UPRT: variants seen among roughly 807,000 people sequenced by gnomAD.
UPRT encodes uracil phosphoribosyltransferase homolog, also known as RP11-311P8.3.
Under a neutral mutation model 22.6 loss-of-function variants are expected in UPRT, and 5 were observed. The ratio of observed to expected loss-of-function variants is 0.22; its 90% CI spans 0.12 to 0.47. UPRT has a LOEUF of 0.47. Ranked by LOEUF, UPRT falls within the 20% of genes least tolerant of loss-of-function variation. The pLI, the probability that UPRT is intolerant of heterozygous loss-of-function variation, is 0.99. For synonymous variants in UPRT, 77 were observed against 87.7 expected (o/e 0.88, Z 0.68); for missense variants, 181 against 239.9 (o/e 0.75, Z 1.62).
At position 75,232,294 on chromosome X, in the gene UPRT, C is replaced by T. The variant is rs1171174626; in HGVS notation, c.-446-58730C>T. ...CACATGGCTCGGAGGGTCCTATGCC[C>T]ACGGAGTCTTGCTGATTGCTAGCAC... On this transcript the variant is annotated intron_variant, in intron 4 of 13. Coordinates refer to the UPRT transcript ENST00000652605. Among the ~76,000 whole-genome samples, 7 of 112,576 alleles carry T rather than the reference C, an allele frequency of 6.2e-5. No individual in the cohort carries two copies. In the East Asian group the frequency reaches 1.7e-3, roughly 27 times the overall value.
intron 1 of UPRT, chrX:75,291,406 A>G (rs1465623976): frequency 3.1e-6 from 1 of 325,854 alleles, no homozygotes; most frequent in African/African-American, 2.6e-5. Context: ...TTTTTCCAGT[A>G]GGAGAGATTA....
At chrX:75,199,645 A>G (rs779259505) in intron 4 of UPRT, among the ~76,000 whole-genome samples, 1 of 111,525 alleles carries the variant, frequency 9.0e-6, no homozygotes, top group African/African-American at 3.3e-5. Context: ...AAACAGAGGG[A>G]AAATAAAGGG....
intron 4 of UPRT, among the ~76,000 whole-genome samples, chrX:75,265,860 T>C: frequency 9.0e-6 from 1 of 111,491 alleles, no homozygotes. Context: ...GGTTTTGGTG[T>C]GGATGTCCTT....
At chrX:75,246,311 G>A (rs1260604358) in intron 4 of UPRT, among the ~76,000 whole-genome samples, 2 of 92,990 alleles carry the variant, frequency 2.2e-5, no homozygotes, top group Non-Finnish European at 4.1e-5. Context: ...GTGTCCATGT[G>A]TTCTCATTGT....
Position 75,274,455 on chromosome X carries a change from G to A in UPRT, c.201G>A (p.Gly67=). The part of the protein sequence containing the change: ...HSSLPAELDS[G]ACGGSSLNSE... ...GCCTGCCGGCCGAGCTGGACTCTGGGGCCTGCGGCGGCTCCAGCCTCAACT... is the reference window on the plus strand; with the variant it reads ...GCCTGCCGGCCGAGCTGGACTCTGGAGCCTGCGGCGGCTCCAGCCTCAACT... Residue 67 remains glycine (G), a synonymous_variant, in exon 1 of 7, where the codon GGG becomes GGA. Coordinates refer to ENST00000373383, the MANE Select transcript of UPRT (RefSeq NM_145052.4). 8.3e-7 allele frequency: 1 copy of A among 1,210,994 alleles called. No homozygotes were observed. The highest frequency in any genetic ancestry group is 1.1e-6 in the Non-Finnish European group (1 of 895,332).
chrX:75,196,705 G>A (rs1054940650), intron 4 of UPRT, among the ~76,000 whole-genome samples: 57 of 111,261 alleles, frequency 5.1e-4, no homozygotes, highest in African/African-American at 1.8e-3. Flanking sequence ...AAATTAGCTG[G>A]GCACAGTGGC....
chrX:75,302,824 T>C (rs2082749000), intron 6 of UPRT, among the ~76,000 whole-genome samples: 1 of 111,288 alleles, frequency 9.0e-6, no homozygotes, highest in Admixed American at 9.6e-5. Context: ...CAGCTTTTTC[T>C]GTGAAAAGCA....
intron 4 of UPRT, among the ~76,000 whole-genome samples, chrX:75,203,721 A>T (rs1246687227): frequency 9.0e-6 from 1 of 111,110 alleles, no homozygotes; most frequent in Non-Finnish European, 1.9e-5. Flanking sequence ...TGTTCCCATG[A>T]TGAGGCTGTT....
upstream of UPRT, among the ~76,000 whole-genome samples, chrX:75,270,738 A>C (rs1442186920): frequency 1.8e-5 from 2 of 111,022 alleles, no homozygotes; most frequent in Admixed American, 9.7e-5. Context: ...GGGGAACATC[A>C]CATGCTGTGG....
chrX:75,286,188 G>C (rs1429628007), intron 1 of UPRT, among the ~76,000 whole-genome samples: 1 of 110,452 alleles, frequency 9.1e-6, no homozygotes, highest in African/African-American at 3.3e-5. Context: ...CCTCAACTTA[G>C]ATTGCCTGGC....
At chrX:75,230,048 G>A (rs2147641601) in intron 4 of UPRT, among the ~76,000 whole-genome samples, 1 of 111,896 alleles carries the variant, frequency 8.9e-6, no homozygotes, top group East Asian at 2.8e-4. Context: ...CCAGCTGCCT[G>A]GATATAAACT....
At chrX:75,292,810 G>T (rs1008681097) in intron 1 of UPRT, among the ~76,000 whole-genome samples, 9 of 111,016 alleles carry the variant, frequency 8.1e-5, no homozygotes, top group African/African-American at 2.9e-4. Context: ...CGTAGCCCTG[G>T]ATTATTATTA....
intron 3 of UPRT, 42 bp downstream of exon 3, chrX:75,296,453 C>A: frequency 1.8e-6 from 2 of 1,126,613 alleles, no homozygotes; most frequent in Non-Finnish European, 2.4e-6. Flanking sequence ...CATAAAAATT[C>A]TGAGCTAGAA....
chrX:75,213,763 A>C (rs969693639), intron 4 of UPRT, among the ~76,000 whole-genome samples: 5 of 112,028 alleles, frequency 4.5e-5, no homozygotes, highest in African/African-American at 1.6e-4. Flanking sequence ...ATGAGGGCCA[A>C]TTATACAACA....
intron 4 of UPRT, among the ~76,000 whole-genome samples, chrX:75,213,685 T>C (rs1301054378): frequency 9.0e-6 from 1 of 111,266 alleles, no homozygotes; most frequent in Non-Finnish European, 1.9e-5. Context: ...GTAGCTGTAT[T>C]AATTTAAGAC....
At chrX:75,277,547 G>C (rs2082636531) in intron 1 of UPRT, among the ~76,000 whole-genome samples, 1 of 110,665 alleles carries the variant, frequency 9.0e-6, no homozygotes, top group African/African-American at 3.3e-5. Flanking sequence ...GGAGCCCCTG[G>C]GAGGCTAAAA....
chrX:75,288,532 G>A (rs990315782), intron 1 of UPRT, among the ~76,000 whole-genome samples: 4 of 112,056 alleles, frequency 3.6e-5, no homozygotes, highest in Non-Finnish European at 7.5e-5. Context: ...TTCAACATAT[G>A]CAAATCACTA....
intron 1 of UPRT, among the ~76,000 whole-genome samples, chrX:75,287,949 A>T (rs2082689264): frequency 9.0e-6 from 1 of 111,401 alleles, no homozygotes; most frequent in Non-Finnish European, 1.9e-5. Flanking sequence ...AAGGAAAAAA[A>T]GGGAGAAGAT....
At chrX:75,301,609 G>T (rs2082744520) in intron 6 of UPRT, among the ~76,000 whole-genome samples, 1 of 111,750 alleles carries the variant, frequency 8.9e-6, no homozygotes, top group South Asian at 3.7e-4. Flanking sequence ...TAAGGAAATG[G>T]TTAAATAAAT....
Sources: allele counts gnomAD v4.1 joint callset (sites outside exome capture counted in the v4.1 genomes callset), GRCh38; gene constraint gnomAD v4.1.1; transcripts MANE v1.5; gene names NCBI Gene and HGNC (gene_info 2026-07-23, HGNC 2026-07-21).